TTC29: variants seen among roughly 807,000 people sequenced by gnomAD.
TTC29 encodes the protein tetratricopeptide repeat protein 29.
TTC29 carries 49 observed loss-of-function variants against 58.1 expected under a neutral mutation model. The ratio of observed to expected loss-of-function variants is 0.84; its 90% CI spans 0.67 to 1.07. The LOEUF is 1.07. Among genes scored for constraint, TTC29 ranks in the 50% least tolerant of loss-of-function variants. The pLI is 0.00. For missense variants in TTC29, 582 were observed against 555.6 expected, an observed-to-expected ratio of 1.05 and a Z score of -0.48; for synonymous variants, 209 against 196.8, an observed-to-expected ratio of 1.06 and a Z score of -0.52.
intron 8 of TTC29, among the ~76,000 whole-genome samples, chr4:146,863,728 G>A (rs1579856792): frequency 2.0e-5 from 3 of 152,322 alleles, no homozygotes; most frequent in East Asian, 3.9e-4. Context: ...AGAGCTGGTG[G>A]TGTAGTTTGA....
Position 146,708,587 on chromosome 4 carries a change from C to T in TTC29, c.1331-1036G>A, listed in dbSNP as rs543577215. Among the ~76,000 whole-genome samples the T allele has an allele frequency of 6.0e-5, 9 of 150,684 alleles. No homozygotes were observed. In the South Asian group the frequency reaches 1.0e-3, roughly 18 times the overall value. ...ACTTAACTTTAACTTTCATATCTGG[C>T]CTTTTACTTTTGATTTCAATTAACT... On this transcript the variant is annotated intron_variant, in intron 11 of 12. Transcript: ENST00000325106.
At chr4:146,890,571 A>G (rs1442133904) in intron 6 of TTC29, among the ~76,000 whole-genome samples, 3 of 152,214 alleles carry the variant, frequency 2.0e-5, no homozygotes, top group African/African-American at 7.2e-5. Context: ...CAAAGCAGAG[A>G]GGAGACAGGG....
intron 11 of TTC29, among the ~76,000 whole-genome samples, chr4:146,733,428 C>T (rs191143102): frequency 1.3e-3 from 191 of 151,996 alleles, no homozygotes; most frequent in Admixed American, 1.8e-3. Flanking sequence ...AATTAATGAG[C>T]TTGTATGAAA....
chr4:146,711,155 T>C (rs1742463162), intron 11 of TTC29, among the ~76,000 whole-genome samples: 1 of 152,112 alleles, frequency 6.6e-6, no homozygotes, highest in Non-Finnish European at 1.5e-5. Flanking sequence ...GTTTATAGAC[T>C]AGACCCCTGG....
At chr4:146,880,174 G>A (rs965348402) in intron 6 of TTC29, among the ~76,000 whole-genome samples, 1 of 152,094 alleles carries the variant, frequency 6.6e-6, no homozygotes, top group Non-Finnish European at 1.5e-5. Context: ...TCAATAATAC[G>A]AAGTAGGATC....
chr4:146,900,404 A>G (rs1265030266), intron 6 of TTC29, among the ~76,000 whole-genome samples: 1 of 152,088 alleles, frequency 6.6e-6, no homozygotes, highest in Non-Finnish European at 1.5e-5. Flanking sequence ...TCATCATCCA[A>G]TAGGGTGGAG....
At chr4:146,875,591 C>A (rs879265162) in intron 6 of TTC29, among the ~76,000 whole-genome samples, 1 of 151,948 alleles carries the variant, frequency 6.6e-6, no homozygotes, top group African/African-American at 2.4e-5. Flanking sequence ...CTCAAGCGAT[C>A]CTTCCACCTC....
chr4:146,939,857 C>T lies in TTC29; in HGVS notation c.39G>A (p.Lys13=), dbSNP rs1295685510. The change falls in exon 3 of 13, where the codon AAG becomes AAA. Residue 13 remains lysine, a synonymous_variant. Transcript: ENST00000325106. ...GCTTCTGTCTGGCTAAGGCTGTAAG[C>T]TTCGGGCGTGTCATGGGCAGTGGGG... ...TLPPLPMTRP[K]LTALARQKLP... The T allele has an allele frequency of 6.2e-7, 1 of 1,613,204 alleles. No individual in the cohort carries two copies. Among genetic ancestry groups the T allele is most frequent in the East Asian group, 2.2e-5 (1 of 44,862 alleles).
At chr4:146,721,881 G>T (rs1473497974) in intron 11 of TTC29, among the ~76,000 whole-genome samples, 1 of 152,086 alleles carries the variant, frequency 6.6e-6, no homozygotes, top group East Asian at 1.9e-4. Flanking sequence ...ATCTCTCTTT[G>T]TTGATGATAG....
At chr4:146,758,413 A>T (rs1026331538) in intron 11 of TTC29, among the ~76,000 whole-genome samples, 2 of 152,190 alleles carry the variant, frequency 1.3e-5, no homozygotes, top group Non-Finnish European at 2.9e-5. Context: ...TACTCCACTG[A>T]CAGCACTAGA....
At chr4:146,816,619 G>A (rs1257551118) in intron 10 of TTC29, among the ~76,000 whole-genome samples, 1 of 152,026 alleles carries the variant, frequency 6.6e-6, no homozygotes, top group Non-Finnish European at 1.5e-5. Flanking sequence ...AGCAAGATGG[G>A]TAAGGGAGGC....
At chr4:146,916,761 C>A (rs1217610426) in intron 4 of TTC29, among the ~76,000 whole-genome samples, 1 of 151,186 alleles carries the variant, frequency 6.6e-6, no homozygotes, top group African/African-American at 2.4e-5. Context: ...AATTGATATG[C>A]AAATAAGTTG....
chr4:146,926,954 G>A (rs530986511), intron 4 of TTC29, among the ~76,000 whole-genome samples: 2 of 151,856 alleles, frequency 1.3e-5, no homozygotes, highest in African/African-American at 4.8e-5. Flanking sequence ...AAAATTAGCT[G>A]AGTGTGGTGG....
intron 9 of TTC29, among the ~76,000 whole-genome samples, chr4:146,830,389 T>C (rs572383524): frequency 6.6e-6 from 1 of 152,282 alleles, no homozygotes; most frequent in East Asian, 1.9e-4. Context: ...TGTTTTTCAA[T>C]TGAGGGCTTA....
chr4:146,840,168 C>CTT lies in TTC29; in HGVS notation c.886-6273_886-6272dup, dbSNP rs369143176. ...CTTTTAAGTGGGTACTGGTTTTTAT[C>CTT]TTTTTTTTTTTTTTTGGTCTACTGT... On this transcript the variant is annotated intron_variant, in intron 8 of 12. Transcript: ENST00000325106. Among the ~76,000 whole-genome samples the CTT allele has an allele frequency of 3.3e-3, 458 of 137,780 alleles. 3 individuals carry two copies. Among genetic ancestry groups the CTT allele is most frequent in the African/African-American group, 0.011 (408 of 37,968 alleles). 90.4% of individuals were successfully genotyped at this position (137,780 alleles called of 152,430 possible). A position where few individuals can be genotyped will look rare whatever the true frequency, so the allele number is the denominator to read the frequency against.
At chr4:146,943,070 G>C (rs985136458) in intron 2 of TTC29, 1 of 152,086 alleles carries the variant, frequency 6.6e-6, no homozygotes, top group Non-Finnish European at 1.5e-5. Flanking sequence ...ACTTGAGTTC[G>C]ATGATTTTTG....
chr4:146,786,629 T>G (rs1455611411), intron 11 of TTC29, among the ~76,000 whole-genome samples: 1 of 152,208 alleles, frequency 6.6e-6, no homozygotes, highest in Non-Finnish European at 1.5e-5. Flanking sequence ...TAGTTATTTT[T>G]ACATAGTTTG....
chr4:146,712,832 G>A (rs1742610844), intron 11 of TTC29, among the ~76,000 whole-genome samples: 2 of 152,064 alleles, frequency 1.3e-5, no homozygotes, highest in Non-Finnish European at 1.5e-5. Flanking sequence ...AGAGAGGATG[G>A]TGCCACTGGA....
chr4:146,902,964 T>C (rs536658354), intron 6 of TTC29, among the ~76,000 whole-genome samples: 1 of 152,334 alleles, frequency 6.6e-6, no homozygotes, highest in African/African-American at 2.4e-5. Flanking sequence ...TTATATTATC[T>C]ACACACTATT....
Sources: gnomAD v4.1 joint callset for allele counts (sites outside exome capture counted in the v4.1 genomes callset) on GRCh38, gnomAD v4.1.1 for gene constraint, MANE v1.5 for transcripts, NCBI Gene and HGNC (gene_info 2026-07-23, HGNC 2026-07-21) for gene names.